The following CDK14 variants were observed in gnomAD, a reference collection of about 807,000 sequenced individuals.
CDK14 encodes the protein cyclin-dependent kinase 14.
A neutral mutation model predicts 60.7 loss-of-function variants in CDK14; 34 were observed. The ratio of observed to expected loss-of-function variants is 0.56; its 90% CI spans 0.43 to 0.75. The LOEUF (loss-of-function observed/expected upper bound fraction) is 0.75, where lower values mean the gene tolerates loss of function less well. Among genes scored for constraint, CDK14 ranks in the 30% least tolerant of loss-of-function variants. CDK14 has a pLI of 0.00. For missense variants in CDK14, 482 were observed against 564.1 expected (o/e 0.85, Z 1.47); for synonymous variants, 197 against 203.7 (o/e 0.97, Z 0.28).
intron 10 of CDK14, among the ~76,000 whole-genome samples, chr7:91,011,449 C>G (rs183360095): frequency 6.6e-6 from 1 of 152,006 alleles, no homozygotes; most frequent in Admixed American, 6.6e-5. Flanking sequence ...TTGTGCTTGG[C>G]GTTCAGTAAG....
intron 14 of CDK14, among the ~76,000 whole-genome samples, chr7:91,120,056 C>T (rs1341828075): frequency 6.6e-6 from 1 of 152,134 alleles, no homozygotes; most frequent in Non-Finnish European, 1.5e-5. Context: ...ATAATGAGGG[C>T]CCTGGCTTTA....
At chr7:90,906,979 G>C (rs1347606870) in intron 7 of CDK14, among the ~76,000 whole-genome samples, 1 of 152,038 alleles carries the variant, frequency 6.6e-6, no homozygotes, top group Non-Finnish European at 1.5e-5. Context: ...TCTATTATCA[G>C]TATGGCATTC....
At chr7:90,641,226 C>T (rs1800321162) in intron 2 of CDK14, among the ~76,000 whole-genome samples, 1 of 151,962 alleles carries the variant, frequency 6.6e-6, no homozygotes, top group South Asian at 2.1e-4. Flanking sequence ...TGTAGTTCCT[C>T]AAATAGTTAA....
Position 90,906,637 on chromosome 7 carries a change from A to G in CDK14, c.702+7284A>G, listed in dbSNP as rs530100316. ...ATATTTTTCTTTGTTGATATTTTGT[A>G]TATAATTGTGTATTGTAAAAATGTG... On this transcript the variant is annotated intron_variant, in intron 7 of 14. Transcript: ENST00000380050. 1.2e-4 allele frequency among the ~76,000 whole-genome samples: 18 copies of G among 152,136 alleles called. No individual in the cohort carries two copies. The East Asian group carries it at 3.1e-3, about 26-fold the overall frequency.
At chr7:90,917,546 A>G (rs1793118397) in intron 7 of CDK14, 55 bp from the exon 8 acceptor site, 3 of 1,582,808 alleles carry the variant, frequency 1.9e-6, no homozygotes, top group South Asian at 2.3e-5. Context: ...GACTGTATGT[A>G]GAAACTGGCA....
At chr7:91,184,238 G>A (rs899773306) in intron 14 of CDK14, among the ~76,000 whole-genome samples, 4 of 70,750 alleles carry the variant, frequency 5.7e-5, no homozygotes, top group African/African-American at 2.2e-4. Flanking sequence ...AGCTGATTGC[G>A]CCACCGCCGC....
At chr7:90,998,493 T>C (rs1167262582) in intron 10 of CDK14, among the ~76,000 whole-genome samples, 1 of 152,280 alleles carries the variant, frequency 6.6e-6, no homozygotes, top group East Asian at 1.9e-4. Context: ...AATAAAAATA[T>C]TTATTCTCTG....
chr7:91,114,913 A>G (rs747331288), intron 13 of CDK14, among the ~76,000 whole-genome samples: 8 of 152,158 alleles, frequency 5.3e-5, no homozygotes, highest in Non-Finnish European at 1.0e-4. Flanking sequence ...AAGTGAAATG[A>G]CTGGTTTGGG....
chr7:90,596,526 TGGA>T lies in CDK14; in HGVS notation c.-93_-91del. ...GCTTCCCGGCCCGCCGAGGAGGTGG[TGGA>T]GGAGGAGGCGCCGCTTTCCCCGCGG... On this transcript the variant is annotated 5_prime_UTR_variant, in exon 1 of 15. Transcript: ENST00000380050. 10 of 917,344 alleles carry T rather than the reference TGGA, an allele frequency of 1.1e-5. No homozygotes were observed. Among genetic ancestry groups the T allele is most frequent in the South Asian group, 9.8e-5 (7 of 71,212 alleles). 56.8% of individuals were successfully genotyped at this position (917,344 alleles called of 1,614,324 possible). A position where few individuals can be genotyped will look rare whatever the true frequency, so the allele number is the denominator to read the frequency against.
rs115714265 is a variant in CDK14 at position 90,769,758 on chromosome 7, C to T, written c.465-20815C>T. Reference sequence around the variant, plus strand: ...CTGGGATTACAGGCATGATCCTCTGCGCCTGGCTGACTTAGGTGATTGCTT... The same window carrying T: ...CTGGGATTACAGGCATGATCCTCTGTGCCTGGCTGACTTAGGTGATTGCTT... On this transcript the variant is annotated intron_variant, in intron 4 of 14. Coordinates refer to ENST00000380050, the MANE Select transcript of CDK14 (RefSeq NM_001287135.2). 4.8e-3 allele frequency among the ~76,000 whole-genome samples: 732 copies of T among 152,284 alleles called. 6 individuals are homozygous for T. Among genetic ancestry groups the T allele is most frequent in the African/African-American group, 0.012 (483 of 41,558 alleles).
intron 2 of CDK14, among the ~76,000 whole-genome samples, chr7:90,655,779 C>A (rs1800739695): frequency 6.6e-6 from 1 of 152,142 alleles, no homozygotes; most frequent in Non-Finnish European, 1.5e-5. Context: ...CCTGTGGCCA[C>A]CAATAATTCT....
intron 2 of CDK14, among the ~76,000 whole-genome samples, chr7:90,675,960 T>C (rs913752701): frequency 1.3e-5 from 2 of 152,186 alleles, no homozygotes; most frequent in African/African-American, 4.8e-5. Context: ...GCCTTCAAGG[T>C]GGAGTTAGCA....
chr7:91,038,550 G>A (rs886967894), intron 10 of CDK14, among the ~76,000 whole-genome samples: 2 of 152,212 alleles, frequency 1.3e-5, no homozygotes, highest in Non-Finnish European at 2.9e-5. Flanking sequence ...GCAGGGGCTT[G>A]TCCTGAGAAA....
At chr7:90,947,615 C>CTCA (rs1372425871) in intron 8 of CDK14, among the ~76,000 whole-genome samples, 12 of 152,144 alleles carry the variant, frequency 7.9e-5, no homozygotes, top group Admixed American at 7.9e-4. Context: ...GAGCACTGTA[C>CTCA]ATCCACTGAT....
chr7:90,706,455 T>C (rs151236196), intron 2 of CDK14, among the ~76,000 whole-genome samples: 74 of 152,306 alleles, frequency 4.9e-4, no homozygotes, highest in African/African-American at 1.7e-3. Flanking sequence ...TACTGAGTGC[T>C]GTCCTAGGGG....
intron 3 of CDK14, among the ~76,000 whole-genome samples, chr7:90,730,578 G>A (rs561160994): frequency 6.6e-6 from 1 of 152,258 alleles, no homozygotes; most frequent in Non-Finnish European, 1.5e-5. Context: ...TCTCATTGTG[G>A]TTTTGATTTG....
chr7:90,788,186 T>A (rs973984798), intron 4 of CDK14, among the ~76,000 whole-genome samples: 1 of 152,112 alleles, frequency 6.6e-6, no homozygotes, highest in African/African-American at 2.4e-5. Flanking sequence ...GGGGAAAATA[T>A]CTGTAAATGA....
At chr7:91,065,624 AAC>A (rs1472813272) in intron 11 of CDK14, among the ~76,000 whole-genome samples, 2 of 152,186 alleles carry the variant, frequency 1.3e-5, no homozygotes, top group African/African-American at 4.8e-5. Flanking sequence ...TGGTTTTCCT[AAC>A]AGATATAAGA....
chr7:90,962,973 A>G (rs1338778539), intron 9 of CDK14, among the ~76,000 whole-genome samples: 2 of 152,248 alleles, frequency 1.3e-5, no homozygotes, highest in South Asian at 2.1e-4. Flanking sequence ...ACAGCATCCA[A>G]GGGTGCTATG....
Sources: allele counts gnomAD v4.1 joint callset (sites outside exome capture counted in the v4.1 genomes callset), GRCh38; gene constraint gnomAD v4.1.1; transcripts MANE v1.5; gene names NCBI Gene and HGNC (gene_info 2026-07-23, HGNC 2026-07-21).